DNAH14: variants seen among roughly 807,000 people sequenced by gnomAD.
DNAH14 encodes axonemal beta dynein heavy chain 14.
DNAH14 carries 478 observed loss-of-function variants against 520.9 expected under a neutral mutation model. The ratio of observed to expected loss-of-function variants is 0.92; its 90% CI spans 0.85 to 0.99. The LOEUF (loss-of-function observed/expected upper bound fraction) is 0.99, where lower values mean the gene tolerates loss of function less well. DNAH14 is among the 50% of genes least tolerant of loss of function. The probability of loss-of-function intolerance (pLI) is 0.00; values close to 1 mark genes in which losing one functional copy is unlikely to be tolerated. For synonymous variants in DNAH14, 1,581 were observed against 1,757.2 expected, an observed-to-expected ratio of 0.90 and a Z score of 2.51; for missense variants, 4,831 against 5,234.5, an observed-to-expected ratio of 0.92 and a Z score of 2.38.
chr1:225,333,650 C>A, intron 66 of DNAH14, 144 bp downstream of exon 66: 1 of 751,068 alleles, frequency 1.3e-6, no homozygotes, highest in East Asian at 2.7e-5. Flanking sequence ...TTGCAGGCCT[C>A]GATTTTTTAA....
rs766589451 is a variant in DNAH14, at chr1:225,080,442, A to T, written c.2830A>T (p.Thr944Ser). ...GTCAACAGCAATGGAAATGATCCAG[A>T]CTCTCTCAGGGGAAGCTGCAAGTTT... ...QVSTAMEMIQ[T>S]LSGEAASLTN... is the part of the protein sequence containing the mutation. Residue 944 changes from threonine to serine, a missense_variant, in exon 19 of 86, where the codon ACT (threonine) becomes TCT (serine). Physicochemically the swap from Thr to Ser is moderately conservative, Grantham distance 58. Coordinates refer to ENST00000682510, the MANE Select transcript of DNAH14 (RefSeq NM_001367479.1). 82 of 1,551,306 alleles carry T rather than the reference A, an allele frequency of 5.3e-5. No individual in the cohort carries two copies. The highest frequency in any genetic ancestry group is 7.1e-5 in the Non-Finnish European group (82 of 1,146,874).
intron 43 of DNAH14, chr1:225,250,692 GA>G: frequency 1.8e-6 from 1 of 557,842 alleles, no homozygotes; most frequent in South Asian, 2.5e-5. Context: ...GGCAGACGGA[GA>G]AAGGGGAACT....
At chr1:225,313,055 G>C (rs936912792) in intron 60 of DNAH14, among the ~76,000 whole-genome samples, 3 of 152,182 alleles carry the variant, frequency 2.0e-5, no homozygotes, top group Admixed American at 2.0e-4. Flanking sequence ...GAATTCGGCT[G>C]TTAATCCATC....
chr1:225,087,304 T>C (rs1015478011), intron 21 of DNAH14, among the ~76,000 whole-genome samples: 1 of 152,110 alleles, frequency 6.6e-6, no homozygotes. Flanking sequence ...ATTCCCACAA[T>C]AACTAATCCA....
At chr1:225,056,705 G>A (rs961534707) in intron 17 of DNAH14, among the ~76,000 whole-genome samples, 21 of 152,092 alleles carry the variant, frequency 1.4e-4, no homozygotes, top group African/African-American at 5.1e-4. Context: ...ATTAATTTTT[G>A]TATAAGGTGT....
intron 11 of DNAH14, among the ~76,000 whole-genome samples, chr1:225,027,129 T>G (rs746632010): frequency 6.6e-6 from 1 of 152,298 alleles, no homozygotes; most frequent in African/African-American, 2.4e-5. Context: ...TTGAACTTTT[T>G]TTATTATCCC....
chr1:225,267,107 G>C (rs972876420), intron 49 of DNAH14, among the ~76,000 whole-genome samples: 5 of 151,982 alleles, frequency 3.3e-5, no homozygotes, highest in Admixed American at 3.3e-4. Flanking sequence ...AGTTAGTTGT[G>C]AGAAAAGCCA....
rs57331050 is a variant in DNAH14 at position 225,008,575 on chromosome 1, C to CTTTTTT, written c.1107+1049_1107+1054dup. 3.9e-3 allele frequency among the ~76,000 whole-genome samples: 386 copies of CTTTTTT among 98,252 alleles called. 1 individual carries two copies. The highest frequency in any genetic ancestry group is 0.01 in the Middle Eastern group (1 of 98). The allele number at this position is 98,252 out of a possible 152,430, so 64.5% of individuals were successfully genotyped here. On this transcript the variant is annotated intron_variant, in intron 10 of 85. Coordinates refer to ENST00000682510, the MANE Select transcript of DNAH14 (RefSeq NM_001367479.1). ...CTCTATAGCATCTGTTTTTTCCTGACTTTTTTTTTTTTTTTTTTTTTTTGT... is the reference window on the plus strand; with the variant it reads ...CTCTATAGCATCTGTTTTTTCCTGACTTTTTTTTTTTTTTTTTTTTTTTTTTTTTGT...
intron 28 of DNAH14, among the ~76,000 whole-genome samples, 200 bp downstream of exon 28, chr1:225,141,221 G>A (rs1437916010): frequency 1.3e-5 from 2 of 151,968 alleles, no homozygotes. Context: ...AGTTACTATG[G>A]TCAATTGTGG....
At chr1:225,333,164 T>C in intron 65 of DNAH14, 127 bp from the exon 66 acceptor site, 1 of 737,810 alleles carries the variant, frequency 1.4e-6, no homozygotes, top group Admixed American at 3.1e-5. Flanking sequence ...TTAACTTTGA[T>C]ACAGCCACAG....
At chr1:225,094,725 C>A (rs528450738) in intron 21 of DNAH14, among the ~76,000 whole-genome samples, 1 of 129,676 alleles carries the variant, frequency 7.7e-6, no homozygotes, top group Admixed American at 7.7e-5. Flanking sequence ...AGTAAACAGA[C>A]AACCTATAGC....
chr1:224,973,274 T>G (rs1440672018), intron 7 of DNAH14, among the ~76,000 whole-genome samples: 2 of 151,908 alleles, frequency 1.3e-5, no homozygotes, highest in African/African-American at 4.9e-5. Context: ...TAGGATTGGC[T>G]GTTTGGTTGG....
At chr1:225,051,336 A>G in intron 16 of DNAH14, 115 bp from the exon 17 acceptor site, 1 of 704,038 alleles carries the variant, frequency 1.4e-6, no homozygotes. Flanking sequence ...AGGTTCTTAA[A>G]ATAAACTCCA....
intron 69 of DNAH14, among the ~76,000 whole-genome samples, chr1:225,345,677 A>G (rs3901298): frequency 0.13 from 19,172 of 152,176 alleles, 1,566 homozygotes; most frequent in South Asian, 0.25. Flanking sequence ...TTATCATGGA[A>G]TGGTTGCTTA....
intron 36 of DNAH14, among the ~76,000 whole-genome samples, chr1:225,178,108 A>G (rs186972838): frequency 6.6e-6 from 1 of 152,308 alleles, no homozygotes; most frequent in African/African-American, 2.4e-5. Context: ...AAAGGAGATC[A>G]TTTTGGAGCT....
At chr1:225,187,627 G>C (rs2084916366) in intron 37 of DNAH14, among the ~76,000 whole-genome samples, 1 of 151,806 alleles carries the variant, frequency 6.6e-6, no homozygotes. Flanking sequence ...GAGGCTTTCT[G>C]TTTCTCCATA....
chr1:225,222,340 G>A (rs2090118232), intron 41 of DNAH14, among the ~76,000 whole-genome samples: 1 of 152,182 alleles, frequency 6.6e-6, no homozygotes, highest in African/African-American at 2.4e-5. Flanking sequence ...GCTGTGTCTG[G>A]AGTTGGTTTC....
intron 71 of DNAH14, among the ~76,000 whole-genome samples, chr1:225,347,074 G>A (rs2095296589): frequency 6.6e-6 from 1 of 152,114 alleles, no homozygotes; most frequent in South Asian, 2.1e-4. Context: ...ATGTTTCTAT[G>A]TTGTATTTTT....
At chr1:225,137,738 C>T (rs2079081431) in intron 27 of DNAH14, among the ~76,000 whole-genome samples, 2 of 152,146 alleles carry the variant, frequency 1.3e-5, no homozygotes. Flanking sequence ...GTCACCCAGT[C>T]AGGAGAAAGA....
Sources: gnomAD v4.1 joint callset for allele counts (sites outside exome capture counted in the v4.1 genomes callset) on GRCh38, gnomAD v4.1.1 for gene constraint, MANE v1.5 for transcripts, NCBI Gene and HGNC (gene_info 2026-07-23, HGNC 2026-07-21) for gene names.